SLC25A13: variants seen among roughly 807,000 people sequenced by gnomAD.
SLC25A13 encodes electrogenic aspartate/glutamate antiporter SLC25A13, mitochondrial.
In SLC25A13, 70 loss-of-function variants were observed where a neutral mutation model predicts 85.5. The ratio of observed to expected loss-of-function variants is 0.82; its 90% CI spans 0.68 to 1.00. The LOEUF (loss-of-function observed/expected upper bound fraction) is 1.00, where lower values mean the gene tolerates loss of function less well. SLC25A13 is among the 50% of genes least tolerant of loss of function. The probability of loss-of-function intolerance (pLI) is 0.00; values close to 1 mark genes in which losing one functional copy is unlikely to be tolerated. For missense variants in SLC25A13, 765 were observed against 819.8 expected (o/e 0.93, Z 0.82); for synonymous variants, 259 against 288.7 (o/e 0.90, Z 1.04).
intron 11 of SLC25A13, among the ~76,000 whole-genome samples, chr7:96,173,782 A>C (rs143912308): frequency 6.6e-6 from 1 of 152,160 alleles, no homozygotes; most frequent in Non-Finnish European, 1.5e-5. Flanking sequence ...GCCACAGCTG[A>C]CTGGACAATG....
chr7:96,212,999 C>G (rs1795762543), intron 4 of SLC25A13, among the ~76,000 whole-genome samples: 1 of 152,102 alleles, frequency 6.6e-6, no homozygotes, highest in African/African-American at 2.4e-5. Context: ...GGAAACCTAC[C>G]AATATTTCTA....
intron 3 of SLC25A13, among the ~76,000 whole-genome samples, chr7:96,255,163 A>C (rs181584871): frequency 6.6e-6 from 1 of 152,352 alleles, no homozygotes; most frequent in African/African-American, 2.4e-5. Flanking sequence ...AGAAATCTTA[A>C]ACTTCATTCA....
At chr7:96,180,477 C>T (rs1446076785) in intron 11 of SLC25A13, among the ~76,000 whole-genome samples, 1 of 152,108 alleles carries the variant, frequency 6.6e-6, no homozygotes, top group Admixed American at 6.5e-5. Context: ...ATTACAGGCC[C>T]GCCATTATGC....
At chr7:96,318,476 C>A (rs1056505294) in intron 1 of SLC25A13, among the ~76,000 whole-genome samples, 2 of 152,140 alleles carry the variant, frequency 1.3e-5, no homozygotes, top group South Asian at 2.1e-4. Flanking sequence ...AAGGATTATT[C>A]CTACAAACGT....
intron 3 of SLC25A13, among the ~76,000 whole-genome samples, chr7:96,259,517 A>G (rs968025200): frequency 6.6e-6 from 1 of 152,216 alleles, no homozygotes; most frequent in Non-Finnish European, 1.5e-5. Flanking sequence ...ATACCATCTC[A>G]CGCCAGTTAG....
chr7:96,173,581 TTTTTTA>T (rs1794096824), intron 11 of SLC25A13, among the ~76,000 whole-genome samples: 1 of 152,070 alleles, frequency 6.6e-6, no homozygotes, highest in African/African-American at 2.4e-5. Flanking sequence ...TTTTTTCTCA[TTTTTTA>T]TTTTTAACAA....
chr7:96,250,907 T>G (rs893734754), intron 3 of SLC25A13, among the ~76,000 whole-genome samples: 2 of 152,136 alleles, frequency 1.3e-5, no homozygotes. Flanking sequence ...ATGTGTTCAA[T>G]CCATTCAAAT....
intron 15 of SLC25A13, among the ~76,000 whole-genome samples, chr7:96,126,343 T>C (rs576986901): frequency 2.0e-5 from 3 of 152,182 alleles, no homozygotes; most frequent in African/African-American, 4.8e-5. Context: ...GCATCTGTGG[T>C]AGAAGTCTTG....
At chr7:96,312,717 T>C (rs1799993473) in intron 1 of SLC25A13, among the ~76,000 whole-genome samples, 1 of 152,168 alleles carries the variant, frequency 6.6e-6, no homozygotes, top group South Asian at 2.1e-4. Flanking sequence ...GCTATTATCA[T>C]GGCAACAAGA....
At chr7:96,182,927 C>T (rs1052700678) in intron 11 of SLC25A13, among the ~76,000 whole-genome samples, 1 of 152,284 alleles carries the variant, frequency 6.6e-6, no homozygotes, top group African/African-American at 2.4e-5. Context: ...ATTTCCCTTC[C>T]AAAAACCACC....
chr7:96,202,620 G>T (rs6465490), intron 5 of SLC25A13, among the ~76,000 whole-genome samples: 151,048 of 152,274 alleles, frequency 0.99, 74,932 homozygotes, highest in Middle Eastern at 1. Flanking sequence ...ATTTCCTGGC[G>T]ACATAAAGTG....
At chr7:96,189,247 T>A (rs1227024430) in intron 9 of SLC25A13, 47 bp downstream of exon 9, 16 of 1,553,134 alleles carry the variant, frequency 1.0e-5, no homozygotes, top group African/African-American at 1.4e-5. Flanking sequence ...GGTTGGGGTA[T>A]CCTGCTAAGG....
At chr7:96,183,588 T>C (rs1354919414) in intron 11 of SLC25A13, among the ~76,000 whole-genome samples, 3 of 152,212 alleles carry the variant, frequency 2.0e-5, no homozygotes, top group African/African-American at 7.2e-5. Flanking sequence ...GAAAGAACAG[T>C]TGAGAAGTCT....
intron 2 of SLC25A13, among the ~76,000 whole-genome samples, chr7:96,280,044 A>T (rs973935298): frequency 1.3e-5 from 2 of 152,298 alleles, no homozygotes; most frequent in East Asian, 3.9e-4. Context: ...CCTACGCTCC[A>T]TGGGAGAATG....
chr7:96,192,930 G>C (rs1245066358), intron 6 of SLC25A13, 107 bp downstream of exon 6: 3 of 1,228,820 alleles, frequency 2.4e-6, no homozygotes, highest in Non-Finnish European at 3.5e-6. Context: ...ACATTAAAAT[G>C]TTAGTGTTTG....
At chr7:96,297,103 C>A (rs1799379120) in intron 1 of SLC25A13, 152 bp from the exon 2 acceptor site, 5 of 702,678 alleles carry the variant, frequency 7.1e-6, no homozygotes, top group Non-Finnish European at 5.0e-6. Flanking sequence ...ACTATGCCCC[C>A]TTCCCATTTT....
At chr7:96,242,601 T>C (rs898386909) in intron 3 of SLC25A13, among the ~76,000 whole-genome samples, 5 of 152,206 alleles carry the variant, frequency 3.3e-5, no homozygotes, top group Non-Finnish European at 7.3e-5. Flanking sequence ...GCCTGCTACC[T>C]AAGGGCTTCA....
intron 15 of SLC25A13, among the ~76,000 whole-genome samples, chr7:96,128,608 G>C (rs1260515435): frequency 6.6e-6 from 1 of 151,996 alleles, no homozygotes; most frequent in East Asian, 1.9e-4. Context: ...TAATAGGAAA[G>C]TCAATGCTCT....
chr7:96,242,272 A>C (rs1192864645), intron 3 of SLC25A13, among the ~76,000 whole-genome samples: 1 of 152,014 alleles, frequency 6.6e-6, no homozygotes, highest in African/African-American at 2.4e-5. Flanking sequence ...CTGGAACTGG[A>C]CTCTCCTGTG....
Sources: allele counts gnomAD v4.1 joint callset (sites outside exome capture counted in the v4.1 genomes callset), GRCh38; gene constraint gnomAD v4.1.1; transcripts MANE v1.5; gene names NCBI Gene and HGNC (gene_info 2026-07-23, HGNC 2026-07-21).